Variants in MACROD2 observed in about 807,000 individuals in gnomAD.
MACROD2 encodes the protein ADP-ribose glycohydrolase MACROD2.
MACROD2 carries 36 observed loss-of-function variants against 70.4 expected under a neutral mutation model. The ratio of observed to expected loss-of-function variants is 0.51; its 90% CI spans 0.39 to 0.68. The LOEUF (loss-of-function observed/expected upper bound fraction) is 0.68. Ranked by LOEUF, MACROD2 falls within the 30% of genes least tolerant of loss-of-function variation. The pLI, the probability that MACROD2 is intolerant of heterozygous loss-of-function variation, is 0.00. For missense variants in MACROD2, 496 were observed against 538.4 expected (o/e 0.92, Z 0.78); for synonymous variants, 172 against 178.8 (o/e 0.96, Z 0.30).
chr20:14,680,148 A>G (rs987620176), intron 4 of MACROD2, among the ~76,000 whole-genome samples: 1 of 152,216 alleles, frequency 6.6e-6, no homozygotes, highest in African/African-American at 2.4e-5. Context: ...ATTAAGGAGG[A>G]GATGCCAGAA....
intron 6 of MACROD2, among the ~76,000 whole-genome samples, chr20:15,282,072 G>A (rs1176694990): frequency 6.6e-6 from 1 of 152,170 alleles, no homozygotes; most frequent in African/African-American, 2.4e-5. Flanking sequence ...GCTGTACATT[G>A]GCCCCTTTTA....
At chr20:14,927,336 A>G (rs1219203083) in intron 5 of MACROD2, among the ~76,000 whole-genome samples, 3 of 152,184 alleles carry the variant, frequency 2.0e-5, no homozygotes, top group African/African-American at 7.2e-5. Context: ...ATCTGGGAAC[A>G]ATGCAGCCAG....
intron 5 of MACROD2, among the ~76,000 whole-genome samples, chr20:15,144,046 G>A (rs1467429357): frequency 2.6e-5 from 4 of 151,582 alleles, no homozygotes; most frequent in African/African-American, 4.9e-5. Context: ...GGCCTCATGT[G>A]GGTCGTGGGC....
intron 5 of MACROD2, chr20:14,935,185 T>G (rs1262532310): frequency 6.6e-6 from 1 of 152,110 alleles, no homozygotes; most frequent in Non-Finnish European, 1.5e-5. Flanking sequence ...AGTGTTTCTA[T>G]TCTTCCACTG....
At chr20:15,298,068 C>T (rs1387184192) in intron 6 of MACROD2, among the ~76,000 whole-genome samples, 1 of 152,144 alleles carries the variant, frequency 6.6e-6, no homozygotes, top group Non-Finnish European at 1.5e-5. Context: ...ATACCTGGAT[C>T]AGGTTACCTG....
intron 6 of MACROD2, among the ~76,000 whole-genome samples, chr20:15,302,772 G>A (rs6034150): frequency 0.25 from 38,691 of 152,114 alleles, 5,324 homozygotes; most frequent in African/African-American, 0.35. Context: ...CACCGGCAGT[G>A]TATGAGTAGC....
At chr20:15,151,565 T>G (rs1343122516) in intron 5 of MACROD2, among the ~76,000 whole-genome samples, 1 of 152,024 alleles carries the variant, frequency 6.6e-6, no homozygotes, top group East Asian at 1.9e-4. Flanking sequence ...TAATAAAATG[T>G]ATATTAAGAA....
chr20:14,418,864 C>T (rs923961292), intron 3 of MACROD2, among the ~76,000 whole-genome samples: 5 of 152,028 alleles, frequency 3.3e-5, no homozygotes, highest in Non-Finnish European at 7.4e-5. Flanking sequence ...TTTATTTGAA[C>T]GCTCCCTTCC....
intron 8 of MACROD2, among the ~76,000 whole-genome samples, chr20:15,788,470 ATGAG>A (rs201256301): frequency 0.029 from 4,422 of 152,278 alleles, 241 homozygotes; most frequent in African/African-American, 0.1. Flanking sequence ...GAGTTATGAC[ATGAG>A]TTTTCACATG....
At chr20:15,816,733 T>G (rs150273352) in intron 8 of MACROD2, among the ~76,000 whole-genome samples, 1 of 152,346 alleles carries the variant, frequency 6.6e-6, no homozygotes, top group Admixed American at 6.5e-5. Context: ...CAGTCTGTAC[T>G]AGGCATTACG....
chr20:14,239,319 A>G (rs2081908374), intron 3 of MACROD2, among the ~76,000 whole-genome samples: 1 of 152,230 alleles, frequency 6.6e-6, no homozygotes, highest in Admixed American at 6.5e-5. Context: ...TACAGATTCA[A>G]TGCTATTAAT....
intron 6 of MACROD2, among the ~76,000 whole-genome samples, chr20:15,235,136 A>T (rs1303764809): frequency 2.6e-5 from 4 of 152,230 alleles, no homozygotes; most frequent in African/African-American, 9.6e-5. Flanking sequence ...CCTGTCTGAC[A>T]TTCTTTGAAT....
At chr20:14,812,318 G>A (rs919836007) in intron 5 of MACROD2, among the ~76,000 whole-genome samples, 1 of 151,970 alleles carries the variant, frequency 6.6e-6, no homozygotes, top group African/African-American at 2.4e-5. Context: ...ACTAACACAG[G>A]AAGAGAAAAC....
At chr20:15,071,065 G>A (rs569478195) in intron 5 of MACROD2, among the ~76,000 whole-genome samples, 13 of 152,074 alleles carry the variant, frequency 8.5e-5, no homozygotes, top group African/African-American at 2.9e-4. Context: ...ATGGGCTTTG[G>A]CTCTATTTTG....
intron 3 of MACROD2, among the ~76,000 whole-genome samples, chr20:14,428,155 T>C (rs537897623): frequency 1.4e-3 from 217 of 152,226 alleles, no homozygotes; most frequent in African/African-American, 4.8e-3. Flanking sequence ...TTTTAATGAA[T>C]TGAAATACAG....
chr20:14,650,931 C>A (rs562673118), intron 4 of MACROD2, among the ~76,000 whole-genome samples: 1 of 152,128 alleles, frequency 6.6e-6, no homozygotes, highest in South Asian at 2.1e-4. Flanking sequence ...AGCACTATTT[C>A]CAGAATGAGA....
intron 5 of MACROD2, among the ~76,000 whole-genome samples, chr20:15,004,455 T>C (rs1340204241): frequency 6.6e-6 from 1 of 152,190 alleles, no homozygotes; most frequent in Non-Finnish European, 1.5e-5. Flanking sequence ...TTAAAGCATA[T>C]CATCAATTAT....
intron 5 of MACROD2, among the ~76,000 whole-genome samples, chr20:15,087,648 G>T (rs1401185577): frequency 1.3e-5 from 2 of 152,066 alleles, no homozygotes; most frequent in East Asian, 3.9e-4. Context: ...TTTGCGGTAG[G>T]AGAGGACTTA....
intron 3 of MACROD2, among the ~76,000 whole-genome samples, chr20:14,318,769 G>A (rs564357097): frequency 6.6e-5 from 10 of 152,092 alleles, no homozygotes; most frequent in African/African-American, 2.4e-4. Flanking sequence ...CTGCTTTCCT[G>A]TTTCATGTCT....
Sources: gnomAD v4.1 joint callset for allele counts (sites outside exome capture counted in the v4.1 genomes callset) on GRCh38, gnomAD v4.1.1 for gene constraint, MANE v1.5 for transcripts, NCBI Gene and HGNC (gene_info 2026-07-23, HGNC 2026-07-21) for gene names.